The following MGMT variants were observed in gnomAD, a reference collection of about 807,000 sequenced individuals.
MGMT encodes O-6-methylguanine-DNA methyltransferase, also known as methylated-DNA--protein-cysteine methyltransferase.
MGMT carries 14 observed loss-of-function variants against 15.9 expected under a neutral mutation model. That is an observed-to-expected ratio of 0.88 (90% CI 0.58 to 1.37). The LOEUF (loss-of-function observed/expected upper bound fraction) is 1.37, where lower values mean the gene tolerates loss of function less well. MGMT is among the 40% of genes most tolerant of loss of function. MGMT has a pLI of 0.00. For missense variants in MGMT, 282 were observed against 268.1 expected (o/e 1.05, Z -0.36); for synonymous variants, 130 against 118.2 (o/e 1.10, Z -0.65).
intron 1 of MGMT, among the ~76,000 whole-genome samples, chr10:129,519,029 A>G (rs985035077): frequency 1.3e-5 from 2 of 152,178 alleles, no homozygotes; most frequent in Non-Finnish European, 2.9e-5. Flanking sequence ...GACTACTGAC[A>G]GGTCACTTCA....
At chr10:129,654,671 A>G (rs746681860) in intron 2 of MGMT, among the ~76,000 whole-genome samples, 77 of 151,844 alleles carry the variant, frequency 5.1e-4, no homozygotes, top group Non-Finnish European at 1.1e-3. Flanking sequence ...AGACAGGAGG[A>G]GGCAGGGGTG....
At chr10:129,723,960 A>T (rs1325832981) in intron 3 of MGMT, among the ~76,000 whole-genome samples, 1 of 152,210 alleles carries the variant, frequency 6.6e-6, no homozygotes. Context: ...CAAAAGGTCT[A>T]GCAGCTGCTT....
rs2119747267 is a variant in MGMT at position 129,530,464 on chromosome 10, C to T, written c.-12-5777C>T. ...CCTTCCAGTTTCTGGCACCTTAGCC[C>T]AGTAGCTCCTGTGTAGGGGTGCTAA... On this transcript the variant is annotated intron_variant, in intron 1 of 4. Coordinates refer to ENST00000651593, the MANE Select transcript of MGMT (RefSeq NM_002412.5). Among the ~76,000 whole-genome samples the T allele has an allele frequency of 1.3e-5, 2 of 152,306 alleles. 1 individual carries two copies. The highest frequency in any genetic ancestry group is 4.1e-4 in the South Asian group (2 of 4,822).
intron 4 of MGMT, among the ~76,000 whole-genome samples, chr10:129,762,310 A>G (rs929431454): frequency 2.0e-5 from 3 of 152,258 alleles, no homozygotes; most frequent in Non-Finnish European, 2.9e-5. Context: ...CTCATTGTGC[A>G]TTAATTCCTT....
intron 3 of MGMT, among the ~76,000 whole-genome samples, chr10:129,742,256 A>T (rs1848642790): frequency 6.6e-6 from 1 of 152,110 alleles, no homozygotes; most frequent in South Asian, 2.1e-4. Context: ...TTTTTTCTTA[A>T]AAGTTATTGG....
At chr10:129,562,495 A>T (rs1846292637) in intron 2 of MGMT, among the ~76,000 whole-genome samples, 1 of 152,234 alleles carries the variant, frequency 6.6e-6, no homozygotes, top group Admixed American at 6.5e-5. Flanking sequence ...TGTGATGGGC[A>T]TTTTTGTGAC....
intron 1 of MGMT, among the ~76,000 whole-genome samples, chr10:129,520,538 A>ACAGAGCCCCTACCGTGCAGGTG (rs1845793466): frequency 4.6e-5 from 4 of 87,066 alleles, no homozygotes; most frequent in African/African-American, 2.9e-4. Context: ...CAGTGCATGT[A>ACAGAGCCCCTACCGTGCAGGTG]CAGAGCCCCT....
At chr10:129,527,016 A>T (rs1845877787) in intron 1 of MGMT, among the ~76,000 whole-genome samples, 1 of 152,238 alleles carries the variant, frequency 6.6e-6, no homozygotes, top group Admixed American at 6.5e-5. Flanking sequence ...TCAGCCACTC[A>T]TGTGGTTTAG....
chr10:129,674,274 TAA>T (rs151318363), intron 2 of MGMT, among the ~76,000 whole-genome samples: 2 of 147,530 alleles, frequency 1.4e-5, no homozygotes, highest in Non-Finnish European at 1.5e-5. Flanking sequence ...AAGCCAGTTG[TAA>T]AAAAAAAAAA....
chr10:129,574,834 A>G (rs1448413925), intron 2 of MGMT, among the ~76,000 whole-genome samples: 1 of 152,210 alleles, frequency 6.6e-6, no homozygotes, highest in Non-Finnish European at 1.5e-5. Context: ...TGCTGCCTTC[A>G]TAGCTTTTTC....
At chr10:129,707,441 A>G (rs1030161898) in intron 2 of MGMT, among the ~76,000 whole-genome samples, 24 of 152,062 alleles carry the variant, frequency 1.6e-4, no homozygotes, top group African/African-American at 5.3e-4. Context: ...ACCCTGAGGA[A>G]TCCCCTGAAC....
intron 2 of MGMT, among the ~76,000 whole-genome samples, chr10:129,684,882 G>C (rs1042684263): frequency 6.6e-6 from 1 of 152,258 alleles, no homozygotes; most frequent in Non-Finnish European, 1.5e-5. Flanking sequence ...TTCATGGCGA[G>C]AGACATCCGG....
intron 2 of MGMT, among the ~76,000 whole-genome samples, chr10:129,626,243 C>G (rs1411344558): frequency 6.6e-6 from 1 of 152,176 alleles, no homozygotes; most frequent in East Asian, 1.9e-4. Flanking sequence ...TAGAATAGTC[C>G]GTGCTCCAGG....
intron 3 of MGMT, among the ~76,000 whole-genome samples, chr10:129,737,808 C>T (rs990314306): frequency 7.9e-5 from 12 of 152,246 alleles, no homozygotes; most frequent in African/African-American, 2.2e-4. Context: ...TTGGAGTACC[C>T]GGCCGTGTGA....
At chr10:129,649,686 T>C (rs1173769154) in intron 2 of MGMT, among the ~76,000 whole-genome samples, 1 of 152,212 alleles carries the variant, frequency 6.6e-6, no homozygotes, top group Non-Finnish European at 1.5e-5. Flanking sequence ...CCCAAAGTTA[T>C]AAATCTGGAA....
At chr10:129,758,696 C>T (rs1848835039) in intron 3 of MGMT, among the ~76,000 whole-genome samples, 1 of 152,178 alleles carries the variant, frequency 6.6e-6, no homozygotes, top group Non-Finnish European at 1.5e-5. Flanking sequence ...CTTGGCACTC[C>T]GAGCAGTAGC....
intron 2 of MGMT, among the ~76,000 whole-genome samples, chr10:129,666,579 A>G (rs1482435708): frequency 1.3e-5 from 2 of 152,230 alleles, no homozygotes; most frequent in African/African-American, 4.8e-5. Flanking sequence ...TATTTCTGAC[A>G]TACAGAAAAG....
At chr10:129,652,423 G>A (rs1185011931) in intron 2 of MGMT, among the ~76,000 whole-genome samples, 1 of 152,194 alleles carries the variant, frequency 6.6e-6, no homozygotes, top group East Asian at 1.9e-4. Flanking sequence ...GCAAAGGGAG[G>A]GGCACGTTTC....
At chr10:129,486,663 T>C (rs1382174231) in intron 1 of MGMT, among the ~76,000 whole-genome samples, 1 of 152,188 alleles carries the variant, frequency 6.6e-6, no homozygotes, top group African/African-American at 2.4e-5. Context: ...ATTTCTACTC[T>C]GAAGAAGGAC....
Sources: gnomAD v4.1 joint callset for allele counts (sites outside exome capture counted in the v4.1 genomes callset) on GRCh38, gnomAD v4.1.1 for gene constraint, MANE v1.5 for transcripts, NCBI Gene and HGNC (gene_info 2026-07-23, HGNC 2026-07-21) for gene names.